Variants in DOP1A observed in about 807,000 individuals in gnomAD.
DOP1A encodes DOP1 leucine zipper like protein A.
Under a neutral mutation model 267.6 loss-of-function variants are expected in DOP1A, and 90 were observed. That is an observed-to-expected ratio of 0.34 (90% CI 0.28 to 0.40). The LOEUF (loss-of-function observed/expected upper bound fraction) is 0.40, where lower values mean the gene tolerates loss of function less well. Ranked by LOEUF, DOP1A falls within the 10% of genes least tolerant of loss-of-function variation. The pLI is 1.00. For synonymous variants in DOP1A, 932 were observed against 999.1 expected (o/e 0.93, Z 1.27); for missense variants, 2,437 against 2,900.4 (o/e 0.84, Z 3.67).
rs1771655466 is a variant in DOP1A at position 83,097,210 on chromosome 6, A to G, written c.138+95A>G. ...CTCGAAATCTTGAAGTAAGAATGCA[A>G]AAACATAAATGAACCTTAGATTACT... On this transcript the variant is annotated intron_variant, in intron 3 of 38. Transcript: ENST00000349129. 2.2e-6 allele frequency: 3 copies of G among 1,377,160 alleles called. No homozygotes were observed. The African/African-American group carries it at 4.3e-5, about 20-fold the overall frequency. The allele number at this position is 1,377,160 out of a possible 1,614,324, so 85.3% of individuals were successfully genotyped here.
chr6:83,115,679 C>T (rs1022415126), intron 7 of DOP1A, among the ~76,000 whole-genome samples: 1 of 152,086 alleles, frequency 6.6e-6, no homozygotes, highest in East Asian at 1.9e-4. Context: ...AGCAAGTGAT[C>T]GTGCCACTGC....
At chr6:83,157,123 A>G in intron 34 of DOP1A, 59 bp from the exon 35 acceptor site, 4 of 1,556,210 alleles carry the variant, frequency 2.6e-6, no homozygotes, top group South Asian at 1.2e-5. Flanking sequence ...CCGACAATAT[A>G]GAAAGTTTTA....
At chr6:83,160,123 G>A (rs567460301) in intron 37 of DOP1A, among the ~76,000 whole-genome samples, 163 bp downstream of exon 37, 1 of 152,262 alleles carries the variant, frequency 6.6e-6, no homozygotes, top group African/African-American at 2.4e-5. Flanking sequence ...GAAGTAAATG[G>A]TCAATGTGGA....
rs1779017043 is a variant in DOP1A, at chr6:83,137,368, C to T, written c.3326C>T (p.Ser1109Phe). 6.2e-7 allele frequency: 1 copy of T among 1,613,702 alleles called. No individual in the cohort carries two copies. The highest frequency in any genetic ancestry group is 1.7e-5 in the Admixed American group (1 of 59,968). Residue 1109 changes from serine (S) to phenylalanine (F), a missense_variant, in exon 21 of 39, where the codon TCT becomes TTT. By Grantham distance (155) the Ser-to-Phe change is radical. Coordinates refer to ENST00000349129, the MANE Select transcript of DOP1A (RefSeq NM_015018.4). The stretch of plus-strand genomic sequence containing the variant: ...CAACAGATAGAAATACTTCAGAGTT[C>T]TGACTCGGGATGTTCACAGTCCTCT... ...PDQQIEILQS[S>F]DSGCSQSSAG...
chr6:83,164,857 G>A, intron 38 of DOP1A: 1 of 636,076 alleles, frequency 1.6e-6, no homozygotes, highest in Non-Finnish European at 2.7e-6. Context: ...GACTGGTGAA[G>A]TCAAAGGAGA....
In DOP1A at chr6:83,138,509, C is replaced by T. The variant is rs767149623; in HGVS notation, c.4467C>T (p.Ser1489=). 97 of 1,613,520 alleles carry T rather than the reference C, an allele frequency of 6.0e-5. No individual in the cohort carries two copies. Among genetic ancestry groups the T allele is most frequent in the Non-Finnish European group, 8.0e-5 (94 of 1,179,936 alleles). ...LIGNRNMQMM[S]IEILTLLFTE... is the part of the protein sequence containing the mutation. The stretch of plus-strand genomic sequence containing the variant: ...GCAATCGAAACATGCAAATGATGAG[C>T]ATAGAAATTCTGACACTACTCTTCA... The change falls in exon 21 of 39, where the codon AGC becomes AGT. Residue 1489 remains serine (S), a synonymous_variant. Transcript: ENST00000349129.
At position 83,168,200 on chromosome 6, in the gene DOP1A, A is replaced by G; in HGVS notation, c.*33A>G. The G allele has an allele frequency of 6.3e-7, 1 of 1,579,440 alleles. No homozygotes were observed. The highest frequency in any genetic ancestry group is 8.6e-7 in the Non-Finnish European group (1 of 1,166,170). On this transcript the variant is annotated 3_prime_UTR_variant, in exon 39 of 39. Coordinates refer to ENST00000349129, the MANE Select transcript of DOP1A (RefSeq NM_015018.4). The stretch of plus-strand genomic sequence containing the variant: ...TGCTGGTTCCATTTAGCTTACATGT[A>G]AATGTAATTATTTAAAACACACACA...
intron 34 of DOP1A, among the ~76,000 whole-genome samples, chr6:83,156,617 A>G (rs971348712): frequency 1.1e-4 from 16 of 152,196 alleles, no homozygotes; most frequent in Non-Finnish European, 2.4e-4. Context: ...ACCACCAAAT[A>G]GCTCCACAAT....
intron 1 of DOP1A, among the ~76,000 whole-genome samples, chr6:83,095,455 G>T (rs1399124963): frequency 1.3e-5 from 2 of 152,120 alleles, no homozygotes; most frequent in Non-Finnish European, 2.9e-5. Context: ...TACCTTGGTT[G>T]AATTGTGTTA....
intron 38 of DOP1A, chr6:83,164,518 C>A: frequency 1.3e-6 from 1 of 774,712 alleles, no homozygotes; most frequent in Non-Finnish European, 2.2e-6. Flanking sequence ...CAGTCTTTTG[C>A]CCAAAATTTG....
At chr6:83,122,163 G>A (rs1428573947) in intron 11 of DOP1A, 113 bp downstream of exon 11, 5 of 1,244,564 alleles carry the variant, frequency 4.0e-6, no homozygotes, top group Non-Finnish European at 5.6e-6. Context: ...GTTCTAATAA[G>A]TAAAGCTGAT....
chr6:83,111,582 T>C (rs1774569957), intron 6 of DOP1A, among the ~76,000 whole-genome samples: 1 of 152,088 alleles, frequency 6.6e-6, no homozygotes, highest in Non-Finnish European at 1.5e-5. Flanking sequence ...GGGTATAAAG[T>C]ATTCTCATTG....
intron 36 of DOP1A, among the ~76,000 whole-genome samples, chr6:83,159,454 T>C (rs75392213): frequency 2.0e-5 from 3 of 151,686 alleles, no homozygotes; most frequent in African/African-American, 4.8e-5. Context: ...TTTTTTTTTT[T>C]GTCTGTGTGT....
At chr6:83,108,642 G>A (rs533398106) in intron 4 of DOP1A, among the ~76,000 whole-genome samples, 5 of 152,192 alleles carry the variant, frequency 3.3e-5, no homozygotes, top group Non-Finnish European at 5.9e-5. Flanking sequence ...TTTTGCTGGG[G>A]CACATTGGGG....
At chr6:83,144,122 A>G (rs1227766853) in intron 24 of DOP1A, among the ~76,000 whole-genome samples, 1 of 152,208 alleles carries the variant, frequency 6.6e-6, no homozygotes, top group Non-Finnish European at 1.5e-5. Flanking sequence ...ACAACAAGGA[A>G]AATTGCCATG....
intron 30 of DOP1A, among the ~76,000 whole-genome samples, chr6:83,153,231 T>C (rs1420725288): frequency 5.3e-5 from 8 of 152,196 alleles, no homozygotes. Context: ...ATTCACTGTT[T>C]ACTCACTGTC....
At chr6:83,159,483 G>A (rs1409801950) in intron 36 of DOP1A, among the ~76,000 whole-genome samples, 1 of 151,814 alleles carries the variant, frequency 6.6e-6, no homozygotes, top group Non-Finnish European at 1.5e-5. Context: ...TAGAGACAGG[G>A]TTTCATCATG....
chr6:83,137,353 A>AAATAC lies in DOP1A; in HGVS notation c.3312_3316dup (p.Leu1106GlnfsTer19). 1 of 1,613,840 alleles carries AAATAC rather than the reference A, an allele frequency of 6.2e-7. No homozygotes were observed. Among genetic ancestry groups the AAATAC allele is most frequent in the Non-Finnish European group, 8.5e-7 (1 of 1,179,822 alleles). On this transcript the variant is annotated frameshift_variant, in exon 21 of 39. Transcript: ENST00000349129. LOFTEE classifies it high-confidence loss of function. ...TTTGATCTTCCAGACCAACAGATAG[A>AAATAC]AATACTTCAGAGTTCTGACTCGGGA...
chr6:83,096,870 A>G (rs1423927284), intron 2 of DOP1A, 47 bp downstream of exon 2: 3 of 1,323,264 alleles, frequency 2.3e-6, no homozygotes, highest in African/African-American at 1.5e-5. Flanking sequence ...GTAAGATCAT[A>G]TGAACCCGTT....
Sources: allele counts gnomAD v4.1 joint callset (sites outside exome capture counted in the v4.1 genomes callset), GRCh38; gene constraint gnomAD v4.1.1; transcripts MANE v1.5; gene names NCBI Gene and HGNC (gene_info 2026-07-23, HGNC 2026-07-21).